Variants in DCDC2 observed in about 807,000 individuals in gnomAD.
The protein encoded by DCDC2 is doublecortin domain-containing protein 2.
DCDC2 carries 40 observed loss-of-function variants against 50.2 expected under a neutral mutation model. That is an observed-to-expected ratio of 0.80 (90% CI 0.62 to 1.04). DCDC2 has a LOEUF of 1.04. Ranked by LOEUF, DCDC2 falls within the 50% of genes least tolerant of loss-of-function variation. DCDC2 has a pLI of 0.00. For missense variants in DCDC2, 570 were observed against 581.9 expected (o/e 0.98, Z 0.21); for synonymous variants, 234 against 210.6 (o/e 1.11, Z -0.96).
intron 2 of DCDC2, among the ~76,000 whole-genome samples, chr6:24,311,877 A>T (rs928141199): frequency 2.6e-5 from 4 of 152,242 alleles, no homozygotes; most frequent in Non-Finnish European, 5.9e-5. Context: ...ATTTATGTAC[A>T]ACCTGATGTC....
intron 2 of DCDC2, among the ~76,000 whole-genome samples, chr6:24,325,191 T>C (rs1474667079): frequency 7.6e-6 from 1 of 131,302 alleles, no homozygotes; most frequent in African/African-American, 2.5e-5. Context: ...GAGAGCACGA[T>C]ATCTACTTCC....
At chr6:24,329,129 G>T (rs143512806) in intron 2 of DCDC2, among the ~76,000 whole-genome samples, 2 of 152,166 alleles carry the variant, frequency 1.3e-5, no homozygotes, top group Non-Finnish European at 2.9e-5. Flanking sequence ...GGTAAAAAAT[G>T]ATGAGCCCTC....
At chr6:24,278,319 T>G (rs1581627384) in intron 6 of DCDC2, 108 bp from the exon 7 acceptor site, 1 of 972,868 alleles carries the variant, frequency 1.0e-6, no homozygotes, top group Non-Finnish European at 1.5e-6. Context: ...GGCAGGGAGG[T>G]GTATTGTCCT....
At chr6:24,284,792 T>C (rs1375873829) in intron 6 of DCDC2, among the ~76,000 whole-genome samples, 1 of 152,088 alleles carries the variant, frequency 6.6e-6, no homozygotes, top group African/African-American at 2.4e-5. Context: ...TGCCAGGCTC[T>C]TTAGCAAGGG....
chr6:24,308,238 G>A (rs897461163), intron 2 of DCDC2, among the ~76,000 whole-genome samples: 1 of 152,218 alleles, frequency 6.6e-6, no homozygotes, highest in African/African-American at 2.4e-5. Context: ...CTAATAGCTG[G>A]ACTAATTGTA....
At chr6:24,189,932 T>C (rs1297416451) in intron 8 of DCDC2, among the ~76,000 whole-genome samples, 1 of 152,156 alleles carries the variant, frequency 6.6e-6, no homozygotes, top group Non-Finnish European at 1.5e-5. Context: ...ATCGTACTTG[T>C]TTTTATTATT....
the DCDC2 span, among the ~76,000 whole-genome samples, chr6:24,378,277 C>T: frequency 6.6e-6 from 1 of 152,264 alleles, no homozygotes. Context: ...TGTTTCCCCT[C>T]CCGCTTCTGT....
At position 24,323,960 on chromosome 6, in the gene DCDC2, T is replaced by G. The variant is rs551515636; in HGVS notation, c.349-21916A>C. Reference sequence around the variant, plus strand: ...CAGAGGAGAAAGTACAGTTAGCCCCTGAAATCACTCATGGGTTTTGTCACT... The same window carrying G: ...CAGAGGAGAAAGTACAGTTAGCCCCGGAAATCACTCATGGGTTTTGTCACT... On this transcript the variant is annotated intron_variant, in intron 2 of 9. Transcript: ENST00000378454. 6.9e-4 allele frequency among the ~76,000 whole-genome samples: 105 copies of G among 152,348 alleles called. 1 individual carries two copies. Among genetic ancestry groups the G allele is most frequent in the African/African-American group, 2.5e-3 (105 of 41,586 alleles).
chr6:24,290,694 T>G (rs1763724665), intron 5 of DCDC2, among the ~76,000 whole-genome samples: 1 of 146,412 alleles, frequency 6.8e-6, no homozygotes, highest in Non-Finnish European at 1.5e-5. Context: ...ATTTCATGCA[T>G]GCTAAAAAAA....
the DCDC2 span, among the ~76,000 whole-genome samples, chr6:24,379,598 T>C: frequency 2.0e-5 from 3 of 152,176 alleles, no homozygotes; most frequent in Admixed American, 6.5e-5. Context: ...GGTGGAAGTG[T>C]AAATTAGTTC....
At chr6:24,351,779 C>A (rs1760376754) in intron 2 of DCDC2, among the ~76,000 whole-genome samples, 1 of 152,182 alleles carries the variant, frequency 6.6e-6, no homozygotes, top group African/African-American at 2.4e-5. Flanking sequence ...ATTAAATGAA[C>A]TGGAGTTTCT....
chr6:24,190,608 A>G (rs771736919), intron 8 of DCDC2, among the ~76,000 whole-genome samples: 17 of 152,226 alleles, frequency 1.1e-4, no homozygotes, highest in Non-Finnish European at 2.2e-4. Context: ...TCTTTCATTT[A>G]TATCAGAAAT....
chr6:24,263,023 T>G (rs1027410213), intron 7 of DCDC2, among the ~76,000 whole-genome samples: 4 of 152,200 alleles, frequency 2.6e-5, no homozygotes, highest in Non-Finnish European at 2.9e-5. Flanking sequence ...GAGCTCAGTA[T>G]GGAGAGAGAC....
chr6:24,243,483 C>T (rs1343549862), intron 7 of DCDC2, among the ~76,000 whole-genome samples: 1 of 152,184 alleles, frequency 6.6e-6, no homozygotes, highest in Non-Finnish European at 1.5e-5. Flanking sequence ...GTCATTAGGA[C>T]TCAATGATTT....
intron 7 of DCDC2, among the ~76,000 whole-genome samples, chr6:24,257,914 G>C (rs575828722): frequency 1.4e-4 from 22 of 152,046 alleles, no homozygotes; most frequent in Non-Finnish European, 3.2e-4. Flanking sequence ...TGAGAAAGTA[G>C]AATCAATGAA....
intron 7 of DCDC2, among the ~76,000 whole-genome samples, chr6:24,246,044 C>T (rs887332681): frequency 8.6e-5 from 13 of 151,940 alleles, no homozygotes; most frequent in African/African-American, 3.1e-4. Context: ...CACTCTGTTG[C>T]CCAGGCTGGA....
At chr6:24,307,583 T>C (rs961950880) in intron 2 of DCDC2, among the ~76,000 whole-genome samples, 2 of 152,130 alleles carry the variant, frequency 1.3e-5, no homozygotes, top group African/African-American at 2.4e-5. Context: ...GCACACAGCA[T>C]CAAAGAGAAC....
At chr6:24,322,492 C>CTTTT (rs56932924) in intron 2 of DCDC2, among the ~76,000 whole-genome samples, 11,523 of 142,284 alleles carry the variant, frequency 0.081, 766 homozygotes, top group East Asian at 0.33. Flanking sequence ...GTTTTCCTTC[C>CTTTT]TTTTTTTTTT....
intron 7 of DCDC2, among the ~76,000 whole-genome samples, chr6:24,245,261 GAA>G (rs745628102): frequency 2.6e-5 from 4 of 152,186 alleles, no homozygotes; most frequent in Non-Finnish European, 5.9e-5. Flanking sequence ...GAAATGGACA[GAA>G]ACTTAGGTTC....
Sources: allele counts gnomAD v4.1 joint callset (sites outside exome capture counted in the v4.1 genomes callset), GRCh38; gene constraint gnomAD v4.1.1; transcripts MANE v1.5; gene names NCBI Gene and HGNC (gene_info 2026-07-23, HGNC 2026-07-21).